The following POPDC3 variants were observed in gnomAD, a reference collection of about 807,000 sequenced individuals.
POPDC3 encodes the protein popeye domain cAMP effector 3.
Under a neutral mutation model 28.2 loss-of-function variants are expected in POPDC3, and 20 were observed. The observed-to-expected ratio is 0.71, with a 90% CI of 0.50 to 1.03. The LOEUF is 1.03. POPDC3 is among the 50% of genes least tolerant of loss of function. The pLI, the probability that POPDC3 is intolerant of heterozygous loss-of-function variation, is 0.00. For missense variants in POPDC3, 316 were observed against 345.9 expected, an observed-to-expected ratio of 0.91 and a Z score of 0.69; for synonymous variants, 118 against 124.1, an observed-to-expected ratio of 0.95 and a Z score of 0.33.
chr6:105,166,376 A>G (rs1040648314), intron 1 of POPDC3, among the ~76,000 whole-genome samples: 1 of 134,616 alleles, frequency 7.4e-6, no homozygotes, highest in Non-Finnish European at 1.5e-5. Flanking sequence ...GGGGCACTGA[A>G]TTTTTTTCAC....
intron 1 of POPDC3, chr6:105,179,170 T>A (rs1473334950): frequency 1.0e-6 from 1 of 985,282 alleles, no homozygotes; most frequent in Non-Finnish European, 1.2e-6. Context: ...GTAACCGACA[T>A]GGTGATAAGA....
At position 105,159,873 on chromosome 6, in the gene POPDC3, T is replaced by C. The variant is rs577898323; in HGVS notation, c.486-54A>G. On this transcript the variant is annotated intron_variant, in intron 2 of 3. Transcript: ENST00000254765. ...AGGGAAGGAGAAAGAGAGCACATAA[T>C]TGGGGAGGGGTGGGGGGTAGAGGAA... The C allele has an allele frequency of 1.4e-4, 171 of 1,220,684 alleles. No homozygotes were observed. The African/African-American group carries it at 1.9e-3, about 13-fold the overall frequency. The allele number at this position is 1,220,684 out of a possible 1,614,324, so 75.6% of individuals were successfully genotyped here. A position where few individuals can be genotyped will look rare whatever the true frequency, so the allele number is the denominator to read the frequency against.
chr6:105,171,431 G>A (rs1774574886), intron 1 of POPDC3, among the ~76,000 whole-genome samples: 1 of 152,198 alleles, frequency 6.6e-6, no homozygotes, highest in East Asian at 1.9e-4. Flanking sequence ...CACTTTGGGA[G>A]GCCGAGGTGG....
chr6:105,178,853 AG>A, intron 1 of POPDC3: 1 of 985,126 alleles, frequency 1.0e-6, no homozygotes, highest in East Asian at 1.1e-4. Context: ...CACTAAACTT[AG>A]TATGAACAGG....
At chr6:105,176,292 G>A (rs1008765900) in intron 1 of POPDC3, among the ~76,000 whole-genome samples, 1 of 152,182 alleles carries the variant, frequency 6.6e-6, no homozygotes, top group African/African-American at 2.4e-5. Flanking sequence ...ATACACTGAT[G>A]ACAGAAGTAA....
chr6:105,166,192 A>G (rs1260183922), intron 1 of POPDC3, among the ~76,000 whole-genome samples: 1 of 152,180 alleles, frequency 6.6e-6, no homozygotes, highest in East Asian at 1.9e-4. Context: ...ACAACATCAT[A>G]AGAGCTCTAA....
chr6:105,171,505 C>CA (rs1223972580), intron 1 of POPDC3, among the ~76,000 whole-genome samples: 4 of 151,636 alleles, frequency 2.6e-5, no homozygotes, highest in African/African-American at 9.7e-5. Context: ...CCCAGCTCTA[C>CA]AAAAAAATTA....
chr6:105,170,697 C>T (rs939918392), intron 1 of POPDC3, among the ~76,000 whole-genome samples: 7 of 152,206 alleles, frequency 4.6e-5, no homozygotes, highest in Non-Finnish European at 1.0e-4. Flanking sequence ...TGATCCTAAA[C>T]AGTCACTGCA....
Position 105,158,404 on chromosome 6 carries a change from G to T in POPDC3, c.*66C>A. 8 of 1,341,994 alleles carry T rather than the reference G, an allele frequency of 6.0e-6. No individual in the cohort carries two copies. Among genetic ancestry groups the T allele is most frequent in the Non-Finnish European group, 8.1e-6 (8 of 990,110 alleles). 83.1% of individuals were successfully genotyped at this position (1,341,994 alleles called of 1,614,324 possible). The stretch of plus-strand genomic sequence containing the variant: ...TTAGGGAGCTCTTTTTTTGTATTTT[G>T]CTATTTCACTGGGGAATGATGAAGA... On this transcript the variant is annotated 3_prime_UTR_variant, in exon 4 of 4. Coordinates refer to ENST00000254765, the MANE Select transcript of POPDC3 (RefSeq NM_022361.5).
intron 1 of POPDC3, among the ~76,000 whole-genome samples, chr6:105,171,437 G>C (rs1436776542): frequency 2.0e-5 from 3 of 152,094 alleles, no homozygotes; most frequent in Non-Finnish European, 4.4e-5. Flanking sequence ...GGGAGGCCGA[G>C]GTGGGAGGAT....
At chr6:105,162,190 T>C (rs1270043218) in intron 1 of POPDC3, 30 bp from the exon 2 acceptor site, 1 of 1,160,494 alleles carries the variant, frequency 8.6e-7, no homozygotes, top group African/African-American at 1.6e-5. Flanking sequence ...ATAAAGGATC[T>C]AATTAAACAA....
At chr6:105,178,804 C>G in intron 1 of POPDC3, 1 of 985,038 alleles carries the variant, frequency 1.0e-6, no homozygotes, top group Non-Finnish European at 1.2e-6. Context: ...TTTCATGCAA[C>G]AGTCCGTAGA....
chr6:105,176,007 CTT>C (rs1317604425), intron 1 of POPDC3, among the ~76,000 whole-genome samples: 1 of 152,104 alleles, frequency 6.6e-6, no homozygotes, highest in Non-Finnish European at 1.5e-5. Context: ...TATTCAGAAA[CTT>C]TTCTCTTAGT....
Position 105,157,937 on chromosome 6 carries a change from A to G in POPDC3, c.*533T>C, listed in dbSNP as rs1774218798. On this transcript the variant is annotated 3_prime_UTR_variant, in exon 4 of 4. Coordinates refer to ENST00000254765, the MANE Select transcript of POPDC3 (RefSeq NM_022361.5). ...GTTATTTTATTTGTAGCAATAAAAT[A>G]GGCTTCAAGATTCACATATTATTAT... Among the ~76,000 whole-genome samples, 1 of 152,264 alleles carries G rather than the reference A, an allele frequency of 6.6e-6. No homozygotes were observed. The highest frequency in any genetic ancestry group is 1.5e-5 in the Non-Finnish European group (1 of 68,042).
chr6:105,163,556 C>G (rs1486359668), intron 1 of POPDC3: 1 of 152,258 alleles, frequency 6.6e-6, no homozygotes, highest in East Asian at 1.9e-4. Flanking sequence ...TTATTTCCAG[C>G]ACACCTGTTA....
chr6:105,175,421 C>G (rs969337024), intron 1 of POPDC3, among the ~76,000 whole-genome samples: 1 of 151,370 alleles, frequency 6.6e-6, no homozygotes, highest in Non-Finnish European at 1.5e-5. Flanking sequence ...GCCTGTAGTC[C>G]CAGCTACATG....
chr6:105,160,800 A>G (rs1467186925), intron 2 of POPDC3, among the ~76,000 whole-genome samples: 1 of 149,738 alleles, frequency 6.7e-6, no homozygotes, highest in Non-Finnish European at 1.5e-5. Flanking sequence ...GGAGTTTCAC[A>G]GTGTTGGCCA....
chr6:105,173,261 T>A (rs991969103), intron 1 of POPDC3, among the ~76,000 whole-genome samples: 10 of 152,220 alleles, frequency 6.6e-5, no homozygotes, highest in African/African-American at 2.4e-4. Flanking sequence ...TTCCACAAAA[T>A]AAATTCCAAA....
intron 2 of POPDC3, 104 bp from the exon 3 acceptor site, chr6:105,159,923 C>A: frequency 2.8e-6 from 2 of 703,786 alleles, no homozygotes; most frequent in Non-Finnish European, 4.9e-6. Context: ...CCTGATGACT[C>A]TTGCCCTTTA....
Sources: gnomAD v4.1 joint callset for allele counts (sites outside exome capture counted in the v4.1 genomes callset) on GRCh38, gnomAD v4.1.1 for gene constraint, MANE v1.5 for transcripts, NCBI Gene and HGNC (gene_info 2026-07-23, HGNC 2026-07-21) for gene names.